Variants in PRDM10 observed in about 807,000 individuals in gnomAD.
PRDM10 encodes PR/SET domain 10.
PRDM10 carries 65 observed loss-of-function variants against 133.1 expected under a neutral mutation model. That is an observed-to-expected ratio of 0.49 (90% CI 0.40 to 0.60). The LOEUF is 0.60. Ranked by LOEUF, PRDM10 falls within the 20% of genes least tolerant of loss-of-function variation. The probability of loss-of-function intolerance (pLI) is 0.00; values close to 1 mark genes in which losing one functional copy is unlikely to be tolerated. For missense variants in PRDM10, 1,137 were observed against 1,507.1 expected, an observed-to-expected ratio of 0.75 and a Z score of 4.07; for synonymous variants, 582 against 580.4, an observed-to-expected ratio of 1.00 and a Z score of -0.04.
chr11:129,938,922 G>A (rs1436869832), intron 7 of PRDM10, among the ~76,000 whole-genome samples: 2 of 152,174 alleles, frequency 1.3e-5, no homozygotes, highest in African/African-American at 2.4e-5. Flanking sequence ...AACATGCCAA[G>A]TGCTTCACCA....
intron 15 of PRDM10, among the ~76,000 whole-genome samples, chr11:129,916,170 T>G (rs1320268938): frequency 2.6e-5 from 4 of 152,172 alleles, no homozygotes; most frequent in Non-Finnish European, 5.9e-5. Flanking sequence ...GGAAGATAAT[T>G]GTTTTTAAGG....
chr11:129,987,052 G>A (rs1188629195), intron 1 of PRDM10, among the ~76,000 whole-genome samples: 2 of 152,130 alleles, frequency 1.3e-5, no homozygotes, highest in Non-Finnish European at 2.9e-5. Flanking sequence ...GTTCTTGTCT[G>A]CTATTGTGCA....
intron 1 of PRDM10, among the ~76,000 whole-genome samples, chr11:129,982,420 GCCTAGC>G: frequency 6.6e-6 from 1 of 151,872 alleles, no homozygotes; most frequent in Non-Finnish European, 1.5e-5. Flanking sequence ...CCACCACCTC[GCCTAGC>G]TAATTTTTTG....
In PRDM10 at chr11:129,953,600, G is replaced by C. The variant is rs114792580; in HGVS notation, c.294+1912C>G. Among the ~76,000 whole-genome samples, 211 of 152,184 alleles carry C rather than the reference G, an allele frequency of 1.4e-3. 2 individuals carry two copies. The highest frequency in any genetic ancestry group is 5.0e-3 in the African/African-American group (206 of 41,522). On this transcript the variant is annotated intron_variant, in intron 4 of 20. Coordinates refer to ENST00000360871, the MANE Select transcript of PRDM10 (RefSeq NM_199437.2). Reference sequence around the variant, plus strand: ...CCTGGCCAGAAAACATGTTTTTTAAGAGAAAACATATTATAAGTCCATATT... The same window carrying C: ...CCTGGCCAGAAAACATGTTTTTTAACAGAAAACATATTATAAGTCCATATT...
intron 1 of PRDM10, among the ~76,000 whole-genome samples, chr11:129,969,010 AG>A (rs1399633202): frequency 1.3e-5 from 2 of 152,314 alleles, no homozygotes. Flanking sequence ...AGATGCCAGG[AG>A]GCTGGCAAGG....
intron 13 of PRDM10, among the ~76,000 whole-genome samples, chr11:129,921,698 C>T (rs951484134): frequency 6.6e-6 from 1 of 152,170 alleles, no homozygotes; most frequent in East Asian, 1.9e-4. Flanking sequence ...AGTCTTCTTC[C>T]CAGCATGGTT....
chr11:129,939,044 T>C (rs1024642789), intron 7 of PRDM10, among the ~76,000 whole-genome samples: 5 of 152,224 alleles, frequency 3.3e-5, no homozygotes, highest in African/African-American at 4.8e-5. Flanking sequence ...TCAGCCTCAG[T>C]AGAGCCTCGT....
At chr11:129,931,566 A>ATTTTT (rs1164067658) in intron 10 of PRDM10, among the ~76,000 whole-genome samples, 1 of 124,404 alleles carries the variant, frequency 8.0e-6, no homozygotes, top group Non-Finnish European at 1.7e-5. Flanking sequence ...TTTTTATTTT[A>ATTTTT]TTTTATTTTA....
chr11:129,914,989 C>A lies in PRDM10; in HGVS notation c.2556G>T (p.Lys852Asn). Residue 852 changes from lysine (K) to asparagine (N), a missense_variant, in exon 17 of 21, where the codon AAG (lysine) becomes AAT (asparagine). Lys to Asn is a moderately conservative substitution (Grantham distance 94, BLOSUM62 0). Around this residue, in one of 6 missense-constraint regions of PRDM10, gnomAD observed 113 missense variants for 143.7 expected, o/e 0.79. Coordinates refer to ENST00000360871, the MANE Select transcript of PRDM10 (RefSeq NM_199437.2). The stretch of plus-strand genomic sequence containing the variant: ...TGGAGAGCTGGGCGAACTCTGGATG[C>A]TTCTTTCGAATGTGCTGGACCATCT... The part of the protein sequence containing the change: ...KTKMVQHIRK[K>N]HPEFAQLSNT... 6.2e-7 allele frequency: 1 copy of A among 1,605,136 alleles called. No homozygotes were observed. Among genetic ancestry groups the A allele is most frequent in the Non-Finnish European group, 8.5e-7 (1 of 1,172,282 alleles).
At chr11:129,942,282 C>T (rs1290180360) in intron 7 of PRDM10, 144 bp downstream of exon 7, 1 of 698,132 alleles carries the variant, frequency 1.4e-6, no homozygotes, top group East Asian at 2.7e-5. Context: ...ATGGTAGCTA[C>T]TCAATAAGTA....
intron 1 of PRDM10, among the ~76,000 whole-genome samples, chr11:129,966,117 G>C (rs1377895901): frequency 6.6e-6 from 1 of 152,002 alleles, no homozygotes; most frequent in African/African-American, 2.4e-5. Context: ...GGTGGCGTGT[G>C]CCTGTAGTCC....
At chr11:129,983,059 C>A (rs1369071043) in intron 1 of PRDM10, among the ~76,000 whole-genome samples, 8 of 152,042 alleles carry the variant, frequency 5.3e-5, no homozygotes, top group African/African-American at 1.7e-4. Context: ...TCACTGCAAC[C>A]TCCGCCCCCC....
intron 19 of PRDM10, among the ~76,000 whole-genome samples, chr11:129,906,202 C>G (rs1192628900): frequency 6.6e-6 from 1 of 152,186 alleles, no homozygotes; most frequent in East Asian, 1.9e-4. Flanking sequence ...TGTTGATGGT[C>G]TCTAAATAAC....
intron 10 of PRDM10, among the ~76,000 whole-genome samples, chr11:129,931,665 C>G (rs1950869325): frequency 6.6e-6 from 1 of 151,430 alleles, no homozygotes; most frequent in South Asian, 2.1e-4. Flanking sequence ...CCTCCCGGTT[C>G]ACGCCATTCT....
At position 129,918,198 on chromosome 11, in the gene PRDM10, A is replaced by G. The variant is rs752557554; in HGVS notation, c.2214+341T>C. 1.2e-4 allele frequency among the ~76,000 whole-genome samples: 18 copies of G among 152,004 alleles called. No homozygotes were observed. The highest frequency in any genetic ancestry group is 2.0e-4 in the Admixed American group (3 of 15,244). On this transcript the variant is annotated intron_variant, in intron 14 of 20. Transcript: ENST00000360871. The surrounding 1 kb of genome is among the most constrained non-coding windows in gnomAD (Gnocchi z 5.3). ...GGCAAATACCCCATTAAAAAAATACATTCAGGGACACAAAAGAGGGAACTA... is the reference window on the plus strand; with the variant it reads ...GGCAAATACCCCATTAAAAAAATACGTTCAGGGACACAAAAGAGGGAACTA...
chr11:129,912,046 C>T (rs974486874), intron 18 of PRDM10, 39 bp downstream of exon 18: 5 of 1,528,920 alleles, frequency 3.3e-6, no homozygotes, highest in Non-Finnish European at 3.5e-6. Flanking sequence ...ATCCCTGAAG[C>T]CATGATAACA....
intron 4 of PRDM10, among the ~76,000 whole-genome samples, chr11:129,952,960 T>A (rs1337716346): frequency 1.3e-5 from 2 of 152,106 alleles, no homozygotes; most frequent in African/African-American, 4.8e-5. Flanking sequence ...ATCTTATACC[T>A]AAAATATTAA....
In PRDM10 at chr11:129,935,165, T is replaced by C; in HGVS notation, c.1093A>G (p.Ile365Val). Residue 365 changes from isoleucine to valine, a missense_variant, in exon 9 of 21, where the codon ATA becomes GTA. Physicochemically the swap from Ile to Val is conservative, Grantham distance 29 (BLOSUM62 3). Coordinates refer to ENST00000360871, the MANE Select transcript of PRDM10 (RefSeq NM_199437.2). ...TGCTGTTGCAACTGCTCCGAGCTTA[T>C]AAATCGGCGGTTACATTCATAGCAG... ...WPCYECNRRFISSEQLQQHLN... is the reference protein window; with the variant it reads ...WPCYECNRRFVSSEQLQQHLN... 1 of 1,614,154 alleles carries C rather than the reference T, an allele frequency of 6.2e-7. No homozygotes were observed. Among genetic ancestry groups the C allele is most frequent in the Non-Finnish European group, 8.5e-7 (1 of 1,179,994 alleles).
Position 129,955,523 on chromosome 11 carries a change from T to C in PRDM10, c.283A>G (p.Thr95Ala), listed in dbSNP as rs1951679890. ...GQVAYVQQDA[T>A]AQQASLPVHN... Reference sequence around the variant, plus strand: ...AGGCAGTTCGTTACCTGCTGAGCTGTAGCATCCTGTTGGACATAAGCTACC... The same window carrying C: ...AGGCAGTTCGTTACCTGCTGAGCTGCAGCATCCTGTTGGACATAAGCTACC... The change falls in exon 4 of 21, where the codon ACA (threonine) becomes GCA (alanine). Residue 95 changes from threonine (T) to alanine (A), a missense_variant. Transcript: ENST00000360871. 6.2e-7 allele frequency: 1 copy of C among 1,614,094 alleles called. No homozygotes were observed. The highest frequency in any genetic ancestry group is 8.5e-7 in the Non-Finnish European group (1 of 1,179,984).
Sources: gnomAD v4.1 joint callset for allele counts (sites outside exome capture counted in the v4.1 genomes callset) on GRCh38, gnomAD v4.1.1 for gene constraint, gnomAD v4.1.1 regional missense constraint, Gnocchi (gnomAD v3.1) non-coding constraint, MANE v1.5 for transcripts, NCBI Gene and HGNC (gene_info 2026-07-23, HGNC 2026-07-21) for gene names.